Variants in IQCH observed in about 807,000 individuals in gnomAD.
IQCH encodes the protein IQ domain-containing protein H.
Under a neutral mutation model 117.0 loss-of-function variants are expected in IQCH, and 98 were observed. That is an observed-to-expected ratio of 0.84 (90% CI 0.71 to 0.99). IQCH has a LOEUF of 0.99. Among genes scored for constraint, IQCH ranks in the 50% least tolerant of loss-of-function variants. The probability of loss-of-function intolerance (pLI) is 0.00; values close to 1 mark genes in which losing one functional copy is unlikely to be tolerated. For synonymous variants in IQCH, 412 were observed against 448.2 expected (o/e 0.92, Z 1.02); for missense variants, 1,102 against 1,243.8 (o/e 0.89, Z 1.72).
At chr15:67,420,184 C>A in intron 15 of IQCH, among the ~76,000 whole-genome samples, 1 of 152,178 alleles carries the variant, frequency 6.6e-6, no homozygotes, top group East Asian at 1.9e-4. Flanking sequence ...ATCGGTTTTC[C>A]TTTTGAAACT....
chr15:67,355,782 A>G (rs371045802), intron 6 of IQCH, among the ~76,000 whole-genome samples: 75 of 152,268 alleles, frequency 4.9e-4, no homozygotes, highest in African/African-American at 1.8e-3. Context: ...CCTCAAATGC[A>G]TGTGTCTCAT....
intron 16 of IQCH, among the ~76,000 whole-genome samples, chr15:67,451,138 C>A (rs1260514372): frequency 6.6e-6 from 1 of 152,122 alleles, no homozygotes; most frequent in East Asian, 1.9e-4. Context: ...GTCTTGCTAG[C>A]AGTCTATCAA....
At chr15:67,265,640 CGT>C (rs1459529764) in intron 3 of IQCH, among the ~76,000 whole-genome samples, 2 of 152,110 alleles carry the variant, frequency 1.3e-5, no homozygotes, top group Non-Finnish European at 2.9e-5. Flanking sequence ...AAAGTCACAG[CGT>C]GTGACTCAGT....
chr15:67,471,289 CA>C (rs2083064728), intron 17 of IQCH, among the ~76,000 whole-genome samples: 1 of 40,766 alleles, frequency 2.5e-5, no homozygotes, highest in African/African-American at 1.0e-4. Flanking sequence ...TAGATATTTC[CA>C]AATCATTATT....
intron 4 of IQCH, among the ~76,000 whole-genome samples, chr15:67,325,050 C>T (rs1968343062): frequency 6.6e-6 from 1 of 152,074 alleles, no homozygotes; most frequent in Admixed American, 6.5e-5. Context: ...CAATTACATG[C>T]AGATTATACC....
chr15:67,481,209 C>T lies in IQCH; in HGVS notation c.2799+5391C>T, dbSNP rs1596473107. Among the ~76,000 whole-genome samples the T allele has an allele frequency of 1.3e-5, 2 of 152,258 alleles. No homozygotes were observed. Among genetic ancestry groups the T allele is most frequent in the African/African-American group, 4.8e-5 (2 of 41,558 alleles). Reference sequence around the variant, plus strand: ...AGTACTGTATTAGTCTGTTCTCATGCTGCTATAAAGAAATACCCAAGACTG... The same window carrying T: ...AGTACTGTATTAGTCTGTTCTCATGTTGCTATAAAGAAATACCCAAGACTG... On this transcript the variant is annotated intron_variant, in intron 18 of 20. Transcript: ENST00000335894. The surrounding 1 kb of genome is among the most constrained non-coding windows in gnomAD (Gnocchi z 4.1).
rs760306377 is a variant in IQCH at position 67,388,947 on chromosome 15, A to C, written c.1573A>C (p.Arg525=). The change falls in exon 12 of 21, where the codon AGA becomes CGA. Residue 525 remains arginine (R), a synonymous_variant. Transcript: ENST00000335894. The surrounding 1 kb of genome is among the most constrained non-coding windows in gnomAD (Gnocchi z 5.5). The stretch of plus-strand genomic sequence containing the variant: ...CGTCAAATCTGGGAACCTTGAGGAC[A>C]GAAGTGACCTGCAGGACAGGTTCAA... ...AAVKSGNLED[R]SDLQDRFKII... 6 of 1,614,084 alleles carry C rather than the reference A, an allele frequency of 3.7e-6. No homozygotes were observed. The Admixed American group carries it at 1.0e-4, about 27-fold the overall frequency.
chr15:67,494,303 C>T lies in IQCH; in HGVS notation c.2907C>T (p.Arg969=). 1 of 1,613,344 alleles carries T rather than the reference C, an allele frequency of 6.2e-7. No individual in the cohort carries two copies. The highest frequency in any genetic ancestry group is 1.7e-5 in the Admixed American group (1 of 59,778). The change falls in exon 20 of 21, where the codon CGC becomes CGT. Residue 969 remains arginine, a synonymous_variant. Coordinates refer to ENST00000335894, the MANE Select transcript of IQCH (RefSeq NM_001031715.3). This position sits in a 1 kb window ranked among gnomAD's most constrained non-coding sequence, Gnocchi z 5.5. Reference sequence around the variant, plus strand: ...AGGGGGTCCTCATGACCTTTGCTCGCCATCTCTTCATCATCCATCAAGAAA... The same window carrying T: ...AGGGGGTCCTCATGACCTTTGCTCGTCATCTCTTCATCATCCATCAAGAAA... The part of the protein sequence containing the change: ...DLQGVLMTFA[R]HLFIIHQEIS...
intron 16 of IQCH, among the ~76,000 whole-genome samples, chr15:67,464,058 G>T (rs1388553309): frequency 6.6e-6 from 1 of 152,160 alleles, no homozygotes; most frequent in African/African-American, 2.4e-5. Context: ...GGCCAGGCTG[G>T]TCTCAGGTGA....
Position 67,465,059 on chromosome 15 carries a change from G to A in IQCH, c.2506-68G>A. 3 of 1,511,946 alleles carry A rather than the reference G, an allele frequency of 2.0e-6. No individual in the cohort carries two copies. The Middle Eastern group carries it at 5.3e-4, about 266-fold the overall frequency. The allele number at this position is 1,511,946 out of a possible 1,614,324, so 93.7% of individuals were successfully genotyped here. The stretch of plus-strand genomic sequence containing the variant: ...GTCTGATGTAGTTTGGTCTGGTTAG[G>A]CAGAGGTGGGGCCTTCGCTGCTGTT... On this transcript the variant is annotated intron_variant, in intron 16 of 20. Coordinates refer to ENST00000335894, the MANE Select transcript of IQCH (RefSeq NM_001031715.3). This position sits in a 1 kb window ranked among gnomAD's most constrained non-coding sequence, Gnocchi z 5.9.
At chr15:67,298,479 C>T (rs1054898956) in intron 4 of IQCH, among the ~76,000 whole-genome samples, 1 of 151,954 alleles carries the variant, frequency 6.6e-6, no homozygotes, top group African/African-American at 2.4e-5. Flanking sequence ...CAAATGCTGG[C>T]AAGTATGTGG....
In IQCH at chr15:67,417,603, C is replaced by A. The variant is rs1368943763; in HGVS notation, c.2218+552C>A. 6.6e-6 allele frequency among the ~76,000 whole-genome samples: 1 copy of A among 152,144 alleles called. No homozygotes were observed. The highest frequency in any genetic ancestry group is 2.4e-5 in the African/African-American group (1 of 41,426). ...TTCTACAATCCAGGAACAAAGCGAGCCTCCATTCCTTTCATCCTCCTCCTC... is the reference window on the plus strand; with the variant it reads ...TTCTACAATCCAGGAACAAAGCGAGACTCCATTCCTTTCATCCTCCTCCTC... On this transcript the variant is annotated intron_variant, in intron 15 of 20. Transcript: ENST00000335894. This position sits in a 1 kb window ranked among gnomAD's most constrained non-coding sequence, Gnocchi z 4.3.
intron 16 of IQCH, among the ~76,000 whole-genome samples, chr15:67,449,246 A>G (rs2082462413): frequency 6.6e-6 from 1 of 152,068 alleles, no homozygotes; most frequent in Admixed American, 6.5e-5. Flanking sequence ...CCATTTGTCA[A>G]TTTTGGCTTT....
chr15:67,358,175 TC>T (rs1172284963), intron 7 of IQCH, among the ~76,000 whole-genome samples: 67 of 76,178 alleles, frequency 8.8e-4, no homozygotes, highest in South Asian at 1.5e-3. Flanking sequence ...TTTTTTTTTT[TC>T]TTTTTTAACC....
chr15:67,354,437 G>T (rs1969800063), intron 6 of IQCH, among the ~76,000 whole-genome samples: 1 of 152,138 alleles, frequency 6.6e-6, no homozygotes. Context: ...CAGAATAGAA[G>T]AGAATTTTCT....
rs2140828450 is a variant in IQCH, at chr15:67,384,540, ATCT to A, written c.1373-393_1373-391del. Among the ~76,000 whole-genome samples, 1 of 152,304 alleles carries A rather than the reference ATCT, an allele frequency of 6.6e-6. No homozygotes were observed. Among genetic ancestry groups the A allele is most frequent in the African/African-American group, 2.4e-5 (1 of 41,576 alleles). On this transcript the variant is annotated intron_variant, in intron 10 of 20. Coordinates refer to ENST00000335894, the MANE Select transcript of IQCH (RefSeq NM_001031715.3). This position sits in a 1 kb window ranked among gnomAD's most constrained non-coding sequence, Gnocchi z 4.3. ...TCACTTTAGAATGATTCTGGAACAC[ATCT>A]TCAAAATACCACATAAGAAGCTCAC...
chr15:67,301,368 T>C (rs1204296020), intron 4 of IQCH, among the ~76,000 whole-genome samples: 3 of 151,390 alleles, frequency 2.0e-5, no homozygotes, highest in Non-Finnish European at 2.9e-5. Flanking sequence ...ATGTACTTGG[T>C]AGTGAATTTC....
chr15:67,501,272 G>A lies in IQCH; in HGVS notation c.*526G>A, dbSNP rs1426662744. The A allele has an allele frequency of 6.6e-6, 1 of 151,914 alleles. No individual in the cohort carries two copies. The highest frequency in any genetic ancestry group is 1.5e-5 in the Non-Finnish European group (1 of 67,958). 9.4% of individuals were successfully genotyped at this position (151,914 alleles called of 1,614,324 possible). ...AATTTTTAAGTGACTATCATTCATC[G>A]TGTTTTTGTTATACCAAGCCACTAT... On this transcript the variant is annotated 3_prime_UTR_variant, in exon 21 of 21. Coordinates refer to ENST00000335894, the MANE Select transcript of IQCH (RefSeq NM_001031715.3). The surrounding 1 kb of genome is among the most constrained non-coding windows in gnomAD (Gnocchi z 5.2).
chr15:67,450,315 AT>A lies in IQCH; in HGVS notation c.2506-14811del, dbSNP rs1184123110. ...TGTCTTGTGCCTGTTTTCAAAGGGAATGCTTCCAGTTTTTGCCCATTCAGTA... is the reference window on the plus strand; with the variant it reads ...TGTCTTGTGCCTGTTTTCAAAGGGAAGCTTCCAGTTTTTGCCCATTCAGTA... On this transcript the variant is annotated intron_variant, in intron 16 of 20. Coordinates refer to ENST00000335894, the MANE Select transcript of IQCH (RefSeq NM_001031715.3). 2.6e-5 allele frequency among the ~76,000 whole-genome samples: 4 copies of A among 152,202 alleles called. No individual in the cohort carries two copies. In the East Asian group the frequency reaches 7.7e-4, roughly 29 times the overall value.
Sources: gnomAD v4.1 joint callset for allele counts (sites outside exome capture counted in the v4.1 genomes callset) on GRCh38, gnomAD v4.1.1 for gene constraint, Gnocchi (gnomAD v3.1) non-coding constraint, MANE v1.5 for transcripts, NCBI Gene and HGNC (gene_info 2026-07-23, HGNC 2026-07-21) for gene names.